BTN1A1: variants seen among roughly 807,000 people sequenced by gnomAD.
BTN1A1 encodes the protein butyrophilin subfamily 1 member A1.
BTN1A1 carries 26 observed loss-of-function variants against 33.1 expected under a neutral mutation model. That is an observed-to-expected ratio of 0.79 (90% CI 0.58 to 1.09). BTN1A1 has a LOEUF of 1.09. BTN1A1 is among the 50% of genes least tolerant of loss of function. The pLI, the probability that BTN1A1 is intolerant of heterozygous loss-of-function variation, is 0.00. For missense variants in BTN1A1, 558 were observed against 655.7 expected (o/e 0.85, Z 1.63); for synonymous variants, 235 against 256.2 (o/e 0.92, Z 0.79).
intron 1 of BTN1A1, among the ~76,000 whole-genome samples, 29 bp downstream of exon 1, chr6:26,500,387 C>A (rs1763783350): frequency 6.6e-6 from 1 of 152,134 alleles, no homozygotes; most frequent in Non-Finnish European, 1.5e-5. Flanking sequence ...TCTCAGCTCC[C>A]TGAGGGAGTG....
chr6:26,508,392 G>A (rs1479452793), intron 7 of BTN1A1, 109 bp from the exon 8 acceptor site: 1 of 1,290,142 alleles, frequency 7.8e-7, no homozygotes, highest in African/African-American at 1.5e-5. Context: ...CCCACCTCCA[G>A]AAGACCTGTC....
intron 3 of BTN1A1, among the ~76,000 whole-genome samples, chr6:26,502,525 A>C (rs1042830109): frequency 1.3e-5 from 2 of 152,264 alleles, no homozygotes; most frequent in African/African-American, 4.8e-5. Flanking sequence ...TGGAGAGAAC[A>C]GTGCAATGTC....
intron 3 of BTN1A1, among the ~76,000 whole-genome samples, chr6:26,502,404 T>G (rs1324856653): frequency 6.6e-6 from 1 of 152,214 alleles, no homozygotes; most frequent in African/African-American, 2.4e-5. Flanking sequence ...AAGGCAGACT[T>G]GCAGCTTATC....
chr6:26,504,981 C>A lies in BTN1A1; in HGVS notation c.484C>A (p.Leu162Met). ...MQVQENGEIC[L>M]ECTSVGWYPE... ...AGTTCAAGAGAATGGAGAAATCTGTCTGGAGTGCACCTCAGTGGGATGGTA... is the reference window on the plus strand; with the variant it reads ...AGTTCAAGAGAATGGAGAAATCTGTATGGAGTGCACCTCAGTGGGATGGTA... Residue 162 changes from leucine to methionine, a missense_variant, in exon 4 of 8, where the codon CTG becomes ATG. Coordinates refer to ENST00000684113, the MANE Select transcript of BTN1A1 (RefSeq NM_001732.3). 6.2e-7 allele frequency: 1 copy of A among 1,614,170 alleles called. No individual in the cohort carries two copies. The highest frequency in any genetic ancestry group is 8.5e-7 in the Non-Finnish European group (1 of 1,180,006).
At position 26,502,218 on chromosome 6, in the gene BTN1A1, G is replaced by C. The variant is rs138604826; in HGVS notation, c.427+281G>C. ...AGAAGCTGACTGCCAGGAAACAAAG[G>C]CTTGCTGGATAATTTATAGAATAGT... On this transcript the variant is annotated intron_variant, in intron 3 of 7. Transcript: ENST00000684113. Among the ~76,000 whole-genome samples, 32 of 152,320 alleles carry C rather than the reference G, an allele frequency of 2.1e-4. No individual in the cohort carries two copies. In the East Asian group the frequency reaches 6.2e-3, roughly 29 times the overall value.
At chr6:26,502,595 T>A (rs947755323) in intron 3 of BTN1A1, among the ~76,000 whole-genome samples, 3 of 152,226 alleles carry the variant, frequency 2.0e-5, no homozygotes, top group Non-Finnish European at 1.5e-5. Context: ...GGGTAAGCAT[T>A]TCTTCATGAA....
chr6:26,501,186 G>C lies in BTN1A1; in HGVS notation c.-57-44G>C. The C allele has an allele frequency of 2.0e-6, 2 of 992,078 alleles. No individual in the cohort carries two copies. Among genetic ancestry groups the C allele is most frequent in the Admixed American group, 3.7e-5 (2 of 54,660 alleles). The allele number at this position is 992,078 out of a possible 1,614,324, so 61.5% of individuals were successfully genotyped here. A position where few individuals can be genotyped will look rare whatever the true frequency, so the allele number is the denominator to read the frequency against. On this transcript the variant is annotated intron_variant, in intron 1 of 7. Transcript: ENST00000684113. This position sits in a 1 kb window ranked among gnomAD's most constrained non-coding sequence, Gnocchi z 5.2. ...GTAGAGAGGACTTTGGAAAGCGGAG[G>C]GTTGACAGAGCCGGTAGTTGTCTCC...
At position 26,508,724 on chromosome 6, in the gene BTN1A1, G is replaced by T. The variant is rs757554363; in HGVS notation, c.1131G>T (p.Glu377Asp). Residue 377 changes from glutamate (E) to aspartate (D), a missense_variant, in exon 8 of 8, where the codon GAG becomes GAT. Physicochemically the swap from Glu to Asp is conservative, Grantham distance 45. Coordinates refer to ENST00000684113, the MANE Select transcript of BTN1A1 (RefSeq NM_001732.3). ...ACTGGGCAATCGGCGTGTGTAGGGAGAATGTGATGAAGAAAGGATTTGACC... is the reference window on the plus strand; with the variant it reads ...ACTGGGCAATCGGCGTGTGTAGGGATAATGTGATGAAGAAAGGATTTGACC... ...RTDWAIGVCR[E>D]NVMKKGFDPM... 1.2e-6 allele frequency: 2 copies of T among 1,614,092 alleles called. No individual in the cohort carries two copies. Among genetic ancestry groups the T allele is most frequent in the Admixed American group, 1.7e-5 (1 of 60,004 alleles).
rs1456879928 is a variant in BTN1A1, at chr6:26,500,336, C to T, written c.-80C>T. On this transcript the variant is annotated 5_prime_UTR_variant, in exon 1 of 8. Coordinates refer to ENST00000684113, the MANE Select transcript of BTN1A1 (RefSeq NM_001732.3). ...CACTTGGTAGCAGTGGCCTCTTGTGCCTTTTTCTCCAAGATCACCCAGGTC... is the reference window on the plus strand; with the variant it reads ...CACTTGGTAGCAGTGGCCTCTTGTGTCTTTTTCTCCAAGATCACCCAGGTC... 6.6e-6 allele frequency among the ~76,000 whole-genome samples: 1 copy of T among 152,180 alleles called. No homozygotes were observed. The highest frequency in any genetic ancestry group is 1.5e-5 in the Non-Finnish European group (1 of 68,036).
chr6:26,503,191 GA>G (rs1014086121), intron 3 of BTN1A1, among the ~76,000 whole-genome samples: 70 of 141,174 alleles, frequency 5.0e-4, no homozygotes, highest in African/African-American at 1.2e-3. Flanking sequence ...GTCAAAAAAA[GA>G]AAAAAAAAAA....
rs770576601 is a variant in BTN1A1, at chr6:26,508,811, C to A, written c.1218C>A (p.Leu406=). The A allele has an allele frequency of 2.5e-6, 4 of 1,614,070 alleles. No homozygotes were observed. Among genetic ancestry groups the A allele is most frequent in the Non-Finnish European group, 2.5e-6 (3 of 1,180,036 alleles). Residue 406 remains leucine (L), a synonymous_variant, in exon 8 of 8, where the codon CTC becomes CTA. Coordinates refer to ENST00000684113, the MANE Select transcript of BTN1A1 (RefSeq NM_001732.3). The part of the protein sequence containing the change: ...VELYGNGYWA[L]TPLRTPLPLA... Reference sequence around the variant, plus strand: ...TGTATGGAAATGGGTACTGGGCCCTCACTCCTCTCCGGACCCCTCTCCCAT... The same window carrying A: ...TGTATGGAAATGGGTACTGGGCCCTAACTCCTCTCCGGACCCCTCTCCCAT...
chr6:26,501,075 T>C lies in BTN1A1; in HGVS notation c.-57-155T>C. 1.7e-6 allele frequency: 1 copy of C among 599,694 alleles called. No individual in the cohort carries two copies. Among genetic ancestry groups the C allele is most frequent in the Non-Finnish European group, 3.0e-6 (1 of 335,732 alleles). The allele number at this position is 599,694 out of a possible 1,614,324, so 37.1% of individuals were successfully genotyped here. On this transcript the variant is annotated intron_variant, in intron 1 of 7. Coordinates refer to ENST00000684113, the MANE Select transcript of BTN1A1 (RefSeq NM_001732.3). This position sits in a 1 kb window ranked among gnomAD's most constrained non-coding sequence, Gnocchi z 5.2. ...GTGGGTGGGAAGGTGATAACCACAG[T>C]GTAAACTAAAAATCCATACTGGGGA...
chr6:26,506,561 G>T, intron 4 of BTN1A1, 122 bp from the exon 5 acceptor site: 5 of 1,000,374 alleles, frequency 5.0e-6, no homozygotes, highest in African/African-American at 1.6e-5. Context: ...CTATTTTTTT[G>T]CTATATGAGG....
rs1763850677 is a variant in BTN1A1 at position 26,505,013 on chromosome 6, G to T, written c.516G>T (p.Glu172Asp). The T allele has an allele frequency of 1.2e-6, 2 of 1,614,024 alleles. No individual in the cohort carries two copies. The highest frequency in any genetic ancestry group is 1.3e-5 in the African/African-American group (1 of 74,918). The change falls in exon 4 of 8, where the codon GAG (glutamate) becomes GAT (aspartate). Residue 172 changes from glutamate (E) to aspartate (D), a missense_variant. By Grantham distance (45) the Glu-to-Asp change is conservative. Coordinates refer to ENST00000684113, the MANE Select transcript of BTN1A1 (RefSeq NM_001732.3). ...LECTSVGWYP[E>D]PQVQWRTSKG... Reference sequence around the variant, plus strand: ...GCACCTCAGTGGGATGGTACCCAGAGCCCCAGGTGCAGTGGAGAACTTCCA... The same window carrying T: ...GCACCTCAGTGGGATGGTACCCAGATCCCCAGGTGCAGTGGAGAACTTCCA...
chr6:26,508,271 C>T (rs946785600), intron 7 of BTN1A1, among the ~76,000 whole-genome samples, 184 bp downstream of exon 7: 6 of 152,162 alleles, frequency 3.9e-5, no homozygotes, highest in South Asian at 4.2e-4. Flanking sequence ...ATGGCACTTC[C>T]GACAGAGTCC....
Position 26,501,370 on chromosome 6 carries a change from G to GTCTC in BTN1A1, c.79+17_79+20dup. ...AGCTGCCCAAACTGGATTCAGGTAA[G>GTCTC]TCTCTCTCTCTCTCTGGGCTGCATA... is the stretch of plus-strand genomic sequence containing the variant. On this transcript the variant is annotated splice_donor_region_variant and intron_variant, in intron 2 of 7. Coordinates refer to ENST00000684113, the MANE Select transcript of BTN1A1 (RefSeq NM_001732.3). This position sits in a 1 kb window ranked among gnomAD's most constrained non-coding sequence, Gnocchi z 5.2. 6.3e-7 allele frequency: 1 copy of GTCTC among 1,595,664 alleles called. No homozygotes were observed. Among genetic ancestry groups the GTCTC allele is most frequent in the Non-Finnish European group, 8.6e-7 (1 of 1,166,470 alleles).
Position 26,508,494 on chromosome 6 carries a change from T to A in BTN1A1, c.908-7T>A. 3 of 1,605,710 alleles carry A rather than the reference T, an allele frequency of 1.9e-6. No homozygotes were observed. The African/African-American group carries it at 4.0e-5, about 21-fold the overall frequency. On this transcript the variant is annotated splice_polypyrimidine_tract_variant and splice_region_variant and intron_variant, in intron 7 of 7. Transcript: ENST00000684113. ...TGATGTCAGACCTGCTGTTTCTTTC[T>A]CTCCAGTTGATGTGACTCTGGACCC...
In BTN1A1 at chr6:26,509,435, G is replaced by A; in HGVS notation, c.*261G>A. ...TAATCCCTTAAGACTAGAACCTATA[G>A]GAAACTACTTGGAGCAAACTCAAAG... On this transcript the variant is annotated 3_prime_UTR_variant, in exon 8 of 8. Transcript: ENST00000684113. The A allele has an allele frequency of 2.5e-6, 1 of 406,748 alleles. No individual in the cohort carries two copies. Among genetic ancestry groups the A allele is most frequent in the Admixed American group, 4.1e-5 (1 of 24,454 alleles). The allele number at this position is 406,748 out of a possible 1,614,324, so 25.2% of individuals were successfully genotyped here.
chr6:26,501,887 T>A lies in BTN1A1; in HGVS notation c.377T>A (p.Phe126Tyr). ...GACGACGGGGAGTACACGTGCTTTT[T>A]CAGGGAGGATGGAAGCTACGAAGAA... ...VSDDGEYTCF[F>Y]REDGSYEEAL... Residue 126 changes from phenylalanine (F) to tyrosine (Y), a missense_variant, in exon 3 of 8, where the codon TTC becomes TAC. Physicochemically the swap from Phe to Tyr is conservative, Grantham distance 22. Coordinates refer to ENST00000684113, the MANE Select transcript of BTN1A1 (RefSeq NM_001732.3). This position sits in a 1 kb window ranked among gnomAD's most constrained non-coding sequence, Gnocchi z 5.2. 1.2e-6 allele frequency: 2 copies of A among 1,602,098 alleles called. No individual in the cohort carries two copies. The highest frequency in any genetic ancestry group is 2.2e-5 in the East Asian group (1 of 44,620).
Sources: gnomAD v4.1 joint callset for allele counts (sites outside exome capture counted in the v4.1 genomes callset) on GRCh38, gnomAD v4.1.1 for gene constraint, Gnocchi (gnomAD v3.1) non-coding constraint, MANE v1.5 for transcripts, NCBI Gene and HGNC (gene_info 2026-07-23, HGNC 2026-07-21) for gene names.